The following CAST variants were observed in gnomAD, a reference collection of about 807,000 sequenced individuals.
CAST encodes calpastatin, also known as MIR583 host.
In CAST, 76 loss-of-function variants were observed where a neutral mutation model predicts 119.6. The ratio of observed to expected loss-of-function variants is 0.64; its 90% CI spans 0.53 to 0.77. CAST has a LOEUF of 0.77. Ranked by LOEUF, CAST falls within the 30% of genes least tolerant of loss-of-function variation. The pLI, the probability that CAST is intolerant of heterozygous loss-of-function variation, is 0.00. For missense variants in CAST, 953 were observed against 946.5 expected, an observed-to-expected ratio of 1.01 and a Z score of -0.09; for synonymous variants, 319 against 331.6, an observed-to-expected ratio of 0.96 and a Z score of 0.41.
chr5:96,116,103 C>T, the CAST span, among the ~76,000 whole-genome samples: 8 of 152,020 alleles, frequency 5.3e-5, no homozygotes, highest in African/African-American at 7.2e-5. Context: ...GCATTTTATC[C>T]GTTCTCCTGA....
the CAST span, among the ~76,000 whole-genome samples, chr5:96,074,512 T>C: frequency 1.3e-5 from 2 of 152,242 alleles, no homozygotes; most frequent in Non-Finnish European, 2.9e-5. Context: ...ATTATGCTTG[T>C]ACCCTTATCT....
rs368193567 is a variant in CAST at position 96,599,176 on chromosome 5, AT to A, written c.60+69300del. Among the ~76,000 whole-genome samples, 118 of 152,282 alleles carry A rather than the reference AT, an allele frequency of 7.7e-4. 1 individual carries two copies. The South Asian group carries it at 0.024, about 31-fold the overall frequency. ...TAGAGTATGGCTATGTTTACAAAAT[AT>A]TTTCAAGTTGTCAGACAAATGCACA... On this transcript the variant is annotated intron_variant, in intron 1 of 11. Transcript: ENST00000505143.
chr5:96,020,828 C>A, the CAST span, among the ~76,000 whole-genome samples: 1 of 126,348 alleles, frequency 7.9e-6, no homozygotes, highest in Non-Finnish European at 1.7e-5. Context: ...CCCCACCCCC[C>A]ACCCCCCACC....
At chr5:96,717,924 A>T (rs1274457181) in intron 3 of CAST, among the ~76,000 whole-genome samples, 1 of 152,214 alleles carries the variant, frequency 6.6e-6, no homozygotes, top group African/African-American at 2.4e-5. Context: ...ATTGAGAGAC[A>T]AATAAGGGTA....
chr5:96,259,166 T>G, the CAST span, among the ~76,000 whole-genome samples: 1 of 152,242 alleles, frequency 6.6e-6, no homozygotes. Flanking sequence ...AAGTGTATTT[T>G]TAGATTCAGA....
intron 2 of CAST, among the ~76,000 whole-genome samples, chr5:96,687,184 C>T (rs186363201): frequency 1.3e-3 from 200 of 152,164 alleles, no homozygotes; most frequent in African/African-American, 4.1e-3. Context: ...TCTCACCTGG[C>T]GGATGGTGGA....
chr5:96,341,317 C>A, the CAST span, among the ~76,000 whole-genome samples: 2 of 151,198 alleles, frequency 1.3e-5, no homozygotes, highest in Non-Finnish European at 2.9e-5. Context: ...CATTCCTGCC[C>A]ACTCCCATCC....
In CAST at chr5:96,757,583, C is replaced by A; in HGVS notation, c.1762C>A (p.Pro588Thr). The change falls in exon 24 of 32, where the codon CCC becomes ACC. Residue 588 changes from proline (P) to threonine (T), a missense_variant and splice_region_variant. Physicochemically the swap from Pro to Thr is conservative, Grantham distance 38. Coordinates refer to ENST00000675179, the MANE Select transcript of CAST (RefSeq NM_001750.7). ...LPKESKEQLP[P>T]MSEDFLLDAL... is the part of the protein sequence containing the mutation. ...TTGATACATTTCCTGGTTCTTGCAG[C>A]CCATGAGTGAAGACTTCCTTCTGGA... 6.2e-7 allele frequency: 1 copy of A among 1,613,316 alleles called. No individual in the cohort carries two copies. Among genetic ancestry groups the A allele is most frequent in the African/African-American group, 1.3e-5 (1 of 75,020 alleles).
chr5:96,478,773 A>G, the CAST span, among the ~76,000 whole-genome samples: 1 of 152,258 alleles, frequency 6.6e-6, no homozygotes, highest in African/African-American at 2.4e-5. Context: ...AATGATATGT[A>G]GGAAGGGTCT....
chr5:96,564,184 C>T (rs1176146006), intron 1 of CAST, among the ~76,000 whole-genome samples: 1 of 152,230 alleles, frequency 6.6e-6, no homozygotes, highest in Non-Finnish European at 1.5e-5. Flanking sequence ...CAATTACCTT[C>T]ATTTTATAGG....
chr5:96,549,710 G>T (rs1215165667), intron 1 of CAST, among the ~76,000 whole-genome samples: 1 of 152,224 alleles, frequency 6.6e-6, no homozygotes, highest in East Asian at 1.9e-4. Flanking sequence ...TTTTCCCATG[G>T]TCTTCGCAAT....
chr5:96,502,912 G>T, the CAST span, among the ~76,000 whole-genome samples: 2 of 151,990 alleles, frequency 1.3e-5, no homozygotes, highest in African/African-American at 4.8e-5. Context: ...CATGGCTTTG[G>T]GTTGTTTCCA....
At chr5:95,964,523 G>A in the CAST span, among the ~76,000 whole-genome samples, 2 of 152,178 alleles carry the variant, frequency 1.3e-5, no homozygotes, top group Non-Finnish European at 2.9e-5. Context: ...GACGGTGTTG[G>A]TGATAAGCTC....
At chr5:96,724,216 C>G (rs966795128) in intron 4 of CAST, among the ~76,000 whole-genome samples, 1 of 151,766 alleles carries the variant, frequency 6.6e-6, no homozygotes, top group African/African-American at 2.4e-5. Flanking sequence ...GGGTCTCGCT[C>G]TGTCTTCCAG....
At chr5:96,561,796 G>GTTTTTGTTTT (rs1746370693) in intron 1 of CAST, among the ~76,000 whole-genome samples, 2,589 of 97,300 alleles carry the variant, frequency 0.027, 279 homozygotes, top group African/African-American at 0.094. Context: ...GTTTTTTTTT[G>GTTTTTGTTTT]TTTTTTTTTT....
At chr5:96,011,674 G>A in the CAST span, among the ~76,000 whole-genome samples, 2 of 152,088 alleles carry the variant, frequency 1.3e-5, no homozygotes, top group Non-Finnish European at 2.9e-5. Flanking sequence ...CTAGATTGCT[G>A]GCTTTGCATT....
At chr5:96,170,583 C>T in the CAST span, among the ~76,000 whole-genome samples, 21 of 152,200 alleles carry the variant, frequency 1.4e-4, no homozygotes, top group African/African-American at 3.4e-4. Context: ...TATTTAATGT[C>T]GGGAGCGGAT....
chr5:96,394,972 G>A, the CAST span: 83 of 1,613,682 alleles, frequency 5.1e-5, no homozygotes, highest in East Asian at 3.8e-4. Flanking sequence ...AAGAGGTCCC[G>A]TGCAAAATCA....
the CAST span, among the ~76,000 whole-genome samples, chr5:96,147,375 C>T: frequency 1.3e-5 from 2 of 152,050 alleles, no homozygotes; most frequent in Non-Finnish European, 1.5e-5. Flanking sequence ...GAGGCCGAGG[C>T]GGGCGGATCA....
Sources: allele counts gnomAD v4.1 joint callset (sites outside exome capture counted in the v4.1 genomes callset), GRCh38; gene constraint gnomAD v4.1.1; transcripts MANE v1.5; gene names NCBI Gene and HGNC (gene_info 2026-07-23, HGNC 2026-07-21).